Variants in ARSB observed in about 807,000 individuals in gnomAD.
The protein encoded by ARSB is N-acetylgalactosamine-4-sulfatase.
Under a neutral mutation model 50.9 loss-of-function variants are expected in ARSB, and 41 were observed. The ratio of observed to expected loss-of-function variants is 0.81; its 90% confidence interval spans 0.63 to 1.04. The LOEUF is 1.04. Ranked by LOEUF, ARSB falls within the 50% of genes least tolerant of loss-of-function variation. The pLI, the probability that ARSB is intolerant of heterozygous loss-of-function variation, is 0.00. For missense variants in ARSB, 672 were observed against 693.3 expected, an observed-to-expected ratio of 0.97 and a Z score of 0.35; for synonymous variants, 269 against 284.8, an observed-to-expected ratio of 0.94 and a Z score of 0.56.
chr5:78,800,194 T>C (rs1052069445), intron 6 of ARSB, among the ~76,000 whole-genome samples: 16 of 152,048 alleles, frequency 1.1e-4, no homozygotes, highest in African/African-American at 3.9e-4. Flanking sequence ...GGTGTGCACC[T>C]GTAGTCCCAG....
At chr5:78,812,209 G>A (rs951700597) in intron 6 of ARSB, among the ~76,000 whole-genome samples, 1 of 152,156 alleles carries the variant, frequency 6.6e-6, no homozygotes, top group African/African-American at 2.4e-5. Context: ...ACAGAGCAGT[G>A]GGCAGGTGCT....
intron 4 of ARSB, among the ~76,000 whole-genome samples, chr5:78,945,486 A>T (rs1472006930): frequency 6.6e-6 from 1 of 152,034 alleles, no homozygotes; most frequent in African/African-American, 2.4e-5. Context: ...GCCTTTACTC[A>T]AGTGCTCCTT....
chr5:78,836,088 T>G (rs1364216765), intron 6 of ARSB, among the ~76,000 whole-genome samples: 1 of 152,196 alleles, frequency 6.6e-6, no homozygotes, highest in East Asian at 1.9e-4. Context: ...GGATTTAATT[T>G]TTCCTCATAA....
chr5:78,786,722 C>T (rs1040709464), intron 6 of ARSB, among the ~76,000 whole-genome samples: 2 of 152,220 alleles, frequency 1.3e-5, no homozygotes, highest in Non-Finnish European at 1.5e-5. Flanking sequence ...TAGGCTCAAG[C>T]GATCCTCTCA....
intron 5 of ARSB, among the ~76,000 whole-genome samples, chr5:78,857,579 GCAAATA>G (rs1447388125): frequency 7.2e-5 from 11 of 152,278 alleles, no homozygotes; most frequent in Middle Eastern, 3.4e-3. Flanking sequence ...TTTTATTACA[GCAAATA>G]CTTGGGCTCC....
intron 6 of ARSB, among the ~76,000 whole-genome samples, chr5:78,788,592 A>C (rs571771041): frequency 6.6e-6 from 1 of 152,214 alleles, no homozygotes; most frequent in South Asian, 2.1e-4. Flanking sequence ...CATTTTTTTA[A>C]TTTATTTTTT....
At chr5:78,891,898 G>T (rs573088188) in intron 4 of ARSB, among the ~76,000 whole-genome samples, 1 of 147,586 alleles carries the variant, frequency 6.8e-6, no homozygotes, top group South Asian at 2.1e-4. Context: ...CACCCCTACT[G>T]CCCCATGTCT....
At chr5:78,808,639 C>T (rs1004316358) in intron 6 of ARSB, among the ~76,000 whole-genome samples, 22 of 152,144 alleles carry the variant, frequency 1.4e-4, no homozygotes, top group Admixed American at 5.9e-4. Flanking sequence ...TACACCTCCC[C>T]GCACACAGAA....
At chr5:78,795,241 G>A (rs1022104167) in intron 6 of ARSB, among the ~76,000 whole-genome samples, 2 of 152,160 alleles carry the variant, frequency 1.3e-5, no homozygotes, top group Admixed American at 1.3e-4. Context: ...CAGCAGAGGT[G>A]GCCAATGTCC....
chr5:78,947,611 T>C (rs1751303179), intron 4 of ARSB, among the ~76,000 whole-genome samples: 2 of 152,292 alleles, frequency 1.3e-5, no homozygotes, highest in East Asian at 3.9e-4. Context: ...AAAATGGCTT[T>C]TATCCAAAAG....
chr5:78,833,431 G>A (rs1744783882), intron 6 of ARSB, among the ~76,000 whole-genome samples: 1 of 152,202 alleles, frequency 6.6e-6, no homozygotes, highest in Non-Finnish European at 1.5e-5. Context: ...TATCTGAACA[G>A]AGACCAAAGC....
intron 4 of ARSB, among the ~76,000 whole-genome samples, chr5:78,900,809 G>A (rs1354178060): frequency 6.6e-6 from 1 of 152,120 alleles, no homozygotes; most frequent in Non-Finnish European, 1.5e-5. Context: ...GGAGGCCTAA[G>A]GAGGCAGATC....
At chr5:78,848,045 A>AT (rs1269785177) in intron 5 of ARSB, among the ~76,000 whole-genome samples, 1 of 150,420 alleles carries the variant, frequency 6.6e-6, no homozygotes, top group Admixed American at 6.6e-5. Context: ...TTTAGCGTGA[A>AT]TTTTTTTATT....
intron 4 of ARSB, among the ~76,000 whole-genome samples, chr5:78,924,201 T>C (rs1749948646): frequency 6.6e-6 from 1 of 152,258 alleles, no homozygotes; most frequent in African/African-American, 2.4e-5. Flanking sequence ...GTGCTTTATG[T>C]GAATTCTCTC....
At chr5:78,808,047 C>A in intron 6 of ARSB, among the ~76,000 whole-genome samples, 1 of 132,226 alleles carries the variant, frequency 7.6e-6, no homozygotes, top group Non-Finnish European at 1.6e-5. Context: ...GAGCCGAGAT[C>A]CCGCCACTGC....
At chr5:78,892,587 G>C (rs1224297619) in intron 4 of ARSB, among the ~76,000 whole-genome samples, 1 of 152,136 alleles carries the variant, frequency 6.6e-6, no homozygotes, top group Non-Finnish European at 1.5e-5. Flanking sequence ...AATTTCTTGA[G>C]AAGTGCAACA....
intron 5 of ARSB, among the ~76,000 whole-genome samples, chr5:78,859,692 G>A (rs1281919247): frequency 6.6e-6 from 1 of 152,052 alleles, no homozygotes; most frequent in African/African-American, 2.4e-5. Flanking sequence ...ATCGAATGAT[G>A]GGACTCAGGG....
At chr5:78,806,556 C>T (rs976324830) in intron 6 of ARSB, among the ~76,000 whole-genome samples, 6 of 152,202 alleles carry the variant, frequency 3.9e-5, no homozygotes, top group African/African-American at 1.4e-4. Flanking sequence ...TAGGTCTGTG[C>T]AGCCACATCA....
intron 6 of ARSB, among the ~76,000 whole-genome samples, chr5:78,831,881 A>G (rs1744709597): frequency 1.3e-5 from 2 of 152,126 alleles, no homozygotes; most frequent in East Asian, 1.9e-4. Context: ...TCTCTAATAG[A>G]CCCAAAAAGA....
Sources: allele counts gnomAD v4.1 joint callset (sites outside exome capture counted in the v4.1 genomes callset), GRCh38; gene constraint gnomAD v4.1.1; transcripts MANE v1.5; gene names NCBI Gene and HGNC (gene_info 2026-07-23, HGNC 2026-07-21).